LRBA: variants seen among roughly 807,000 people sequenced by gnomAD.
LRBA encodes the protein lipopolysaccharide-responsive and beige-like anchor protein.
Under a neutral mutation model 330.0 loss-of-function variants are expected in LRBA, and 176 were observed. The ratio of observed to expected loss-of-function variants is 0.53; its 90% CI spans 0.47 to 0.60. The LOEUF is 0.60. Ranked by LOEUF, LRBA falls within the 20% of genes least tolerant of loss-of-function variation. The pLI, the probability that LRBA is intolerant of heterozygous loss-of-function variation, is 0.00. For missense variants in LRBA, 3,259 were observed against 3,444.8 expected (o/e 0.95, Z 1.35); for synonymous variants, 1,230 against 1,193.0 (o/e 1.03, Z -0.64).
chr4:150,646,694 GA>G (rs1229327415), intron 37 of LRBA, among the ~76,000 whole-genome samples: 4 of 152,030 alleles, frequency 2.6e-5, no homozygotes, highest in Non-Finnish European at 5.9e-5. Context: ...AGCAGAAGGA[GA>G]AAATGATCAA....
intron 34 of LRBA, among the ~76,000 whole-genome samples, chr4:150,766,183 A>G (rs558085789): frequency 6.6e-6 from 1 of 152,182 alleles, no homozygotes; most frequent in East Asian, 1.9e-4. Flanking sequence ...ATTTTTTCAA[A>G]TTGGCTAAAA....
intron 2 of LRBA, among the ~76,000 whole-genome samples, chr4:151,010,755 G>A (rs775650896): frequency 1.8e-4 from 28 of 152,008 alleles, no homozygotes; most frequent in Non-Finnish European, 2.8e-4. Flanking sequence ...ATGGTGGTGC[G>A]TGCCTGTAGA....
intron 2 of LRBA, among the ~76,000 whole-genome samples, chr4:151,000,233 A>T (rs553954634): frequency 6.6e-6 from 1 of 152,330 alleles, no homozygotes; most frequent in East Asian, 1.9e-4. Context: ...AACTACCATA[A>T]ATCAACAAGT....
intron 34 of LRBA, among the ~76,000 whole-genome samples, chr4:150,764,550 G>C (rs537959878): frequency 1.7e-4 from 26 of 152,070 alleles, no homozygotes; most frequent in African/African-American, 6.3e-4. Flanking sequence ...ATCTGATAAA[G>C]AATTGTGCAA....
chr4:150,425,633 C>T (rs2151972989), intron 46 of LRBA, among the ~76,000 whole-genome samples: 1 of 152,250 alleles, frequency 6.6e-6, no homozygotes, highest in African/African-American at 2.4e-5. Flanking sequence ...ACCTTTGCAG[C>T]CAGGCTGTAT....
chr4:150,607,602 A>C (rs1051348570), intron 37 of LRBA, among the ~76,000 whole-genome samples: 2 of 151,664 alleles, frequency 1.3e-5, no homozygotes, highest in African/African-American at 4.8e-5. Flanking sequence ...TGTGCTAGAG[A>C]TTTAAAATAG....
At chr4:150,389,920 T>A (rs1320165254) in intron 47 of LRBA, among the ~76,000 whole-genome samples, 1 of 142,210 alleles carries the variant, frequency 7.0e-6, no homozygotes, top group Non-Finnish European at 1.5e-5. Context: ...TATTTTTTTT[T>A]TTTTTTTTTT....
intron 47 of LRBA, among the ~76,000 whole-genome samples, chr4:150,409,725 G>A (rs572955914): frequency 6.6e-6 from 1 of 152,070 alleles, no homozygotes; most frequent in Admixed American, 6.6e-5. Flanking sequence ...ATAAATGTGG[G>A]GAGAATTAAC....
intron 44 of LRBA, among the ~76,000 whole-genome samples, chr4:150,453,451 G>A (rs945318074): frequency 2.0e-5 from 3 of 152,056 alleles, no homozygotes; most frequent in South Asian, 4.2e-4. Context: ...AGAAGAATTG[G>A]ACTTCTACAC....
At chr4:150,559,721 T>C (rs1377358232) in intron 40 of LRBA, among the ~76,000 whole-genome samples, 17 of 89,474 alleles carry the variant, frequency 1.9e-4, no homozygotes, top group African/African-American at 7.9e-4. Context: ...TATTATAGAT[T>C]ATATAATATA....
chr4:150,991,170 T>G (rs1266790857), intron 2 of LRBA, among the ~76,000 whole-genome samples: 1 of 151,796 alleles, frequency 6.6e-6, no homozygotes, highest in Non-Finnish European at 1.5e-5. Context: ...CACTACAAAC[T>G]TACTAGAATG....
At chr4:150,537,127 A>T (rs1013702938) in intron 40 of LRBA, among the ~76,000 whole-genome samples, 9 of 152,224 alleles carry the variant, frequency 5.9e-5, no homozygotes, top group African/African-American at 2.2e-4. Context: ...TGGTACAAAA[A>T]CAGACACATA....
chr4:150,271,684 C>G (rs1046469804), intron 56 of LRBA, among the ~76,000 whole-genome samples: 4 of 152,130 alleles, frequency 2.6e-5, no homozygotes, highest in African/African-American at 9.7e-5. Flanking sequence ...GAGGAGCGTC[C>G]GCCATTGGTG....
At chr4:150,902,880 T>A (rs568074680) in intron 13 of LRBA, among the ~76,000 whole-genome samples, 1 of 152,302 alleles carries the variant, frequency 6.6e-6, no homozygotes, top group South Asian at 2.1e-4. Context: ...CAACTGATTC[T>A]ATCAGCAGTC....
At chr4:150,489,234 A>ATATACGAATAT (rs1758410721) in intron 41 of LRBA, among the ~76,000 whole-genome samples, 1 of 58,694 alleles carries the variant, frequency 1.7e-5, no homozygotes, top group Admixed American at 2.7e-4. Flanking sequence ...AATATATTAT[A>ATATACGAATAT]TATACGAATA....
chr4:150,293,799 G>C lies in LRBA; in HGVS notation c.8018-7765C>G, dbSNP rs182568935. 1.2e-3 allele frequency among the ~76,000 whole-genome samples: 185 copies of C among 152,292 alleles called. 1 individual carries two copies. Among genetic ancestry groups the C allele is most frequent in the African/African-American group, 4.3e-3 (178 of 41,568 alleles). ...TCTGCCTCTGCCATTGAGACAGCAA[G>C]ACCAGCCCTCTGCTTCCTCAGTCTA... On this transcript the variant is annotated intron_variant, in intron 53 of 56. Transcript: ENST00000651943.
At chr4:150,268,420 A>G (rs1242617181) in intron 56 of LRBA, among the ~76,000 whole-genome samples, 1 of 152,222 alleles carries the variant, frequency 6.6e-6, no homozygotes, top group Non-Finnish European at 1.5e-5. Flanking sequence ...AACACTTCCT[A>G]AGTGATTCAA....
rs79869222 is a variant in LRBA at position 150,796,748 on chromosome 4, T to C, written c.5580+1333A>G. On this transcript the variant is annotated intron_variant, in intron 34 of 56. Transcript: ENST00000651943. ...AAACTTCATTGTGAAAATTCACCTATGAAATAATTATATCACTATGAACAA... is the reference window on the plus strand; with the variant it reads ...AAACTTCATTGTGAAAATTCACCTACGAAATAATTATATCACTATGAACAA... Among the ~76,000 whole-genome samples, 931 of 152,084 alleles carry C rather than the reference T, an allele frequency of 6.1e-3. 4 individuals carry two copies. Among genetic ancestry groups the C allele is most frequent in the Middle Eastern group, 0.01 (3 of 292 alleles).
intron 35 of LRBA, among the ~76,000 whole-genome samples, chr4:150,741,631 A>C (rs1560755872): frequency 6.6e-6 from 1 of 152,204 alleles, no homozygotes; most frequent in Non-Finnish European, 1.5e-5. Flanking sequence ...ATTAAAAATA[A>C]AACTAATTTT....
Sources: allele counts gnomAD v4.1 joint callset (sites outside exome capture counted in the v4.1 genomes callset), GRCh38; gene constraint gnomAD v4.1.1; transcripts MANE v1.5; gene names NCBI Gene and HGNC (gene_info 2026-07-23, HGNC 2026-07-21).